Variants in ARL13B observed in about 807,000 individuals in gnomAD.
ARL13B encodes the protein ARF like GTPase 13B, also known as ADP-ribosylation factor-like protein 13B.
ARL13B carries 36 observed loss-of-function variants against 56.1 expected under a neutral mutation model. That is an observed-to-expected ratio of 0.64 (90% CI 0.49 to 0.85). ARL13B has a LOEUF of 0.85. Ranked by LOEUF, ARL13B falls within the 40% of genes least tolerant of loss-of-function variation. The probability of loss-of-function intolerance (pLI) is 0.00; values close to 1 mark genes in which losing one functional copy is unlikely to be tolerated. For synonymous variants in ARL13B, 178 were observed against 171.1 expected (o/e 1.04, Z -0.32); for missense variants, 519 against 507.1 (o/e 1.02, Z -0.23).
At chr3:94,014,729 C>T in intron 3 of ARL13B, 1 of 1,612,816 alleles carries the variant, frequency 6.2e-7, no homozygotes, top group Non-Finnish European at 8.5e-7. Flanking sequence ...TCATTTACAT[C>T]TTCTTCAGAC....
chr3:94,016,883 G>C (rs1180772771), intron 3 of ARL13B, among the ~76,000 whole-genome samples: 1 of 152,096 alleles, frequency 6.6e-6, no homozygotes, highest in Non-Finnish European at 1.5e-5. Context: ...CTGACCTCGT[G>C]ATCCGCCCAC....
chr3:94,019,041 C>T (rs1191905880), intron 3 of ARL13B, among the ~76,000 whole-genome samples: 2 of 152,192 alleles, frequency 1.3e-5, no homozygotes, highest in African/African-American at 2.4e-5. Flanking sequence ...GCTGGGATTA[C>T]AGCTGTGAGC....
chr3:93,995,344 T>G (rs2075948342), intron 1 of ARL13B, among the ~76,000 whole-genome samples: 1 of 151,974 alleles, frequency 6.6e-6, no homozygotes, highest in Admixed American at 6.6e-5. Flanking sequence ...CCCTGTGGAG[T>G]TTAGCTGTAT....
chr3:93,988,014 T>G (rs1192959031), intron 1 of ARL13B, among the ~76,000 whole-genome samples: 5 of 152,112 alleles, frequency 3.3e-5, no homozygotes, highest in Non-Finnish European at 7.4e-5. Flanking sequence ...CTTAAGAGGA[T>G]TATCAAGAGC....
At chr3:94,046,466 G>A (rs1417031219) in intron 7 of ARL13B, among the ~76,000 whole-genome samples, 3 of 151,548 alleles carry the variant, frequency 2.0e-5, no homozygotes, top group South Asian at 2.1e-4. Flanking sequence ...TGAACTCAAC[G>A]TCATTCCTTT....
At chr3:94,040,700 TTG>T (rs2076846736) in intron 6 of ARL13B, among the ~76,000 whole-genome samples, 1 of 151,992 alleles carries the variant, frequency 6.6e-6, no homozygotes. Flanking sequence ...TTTTTTTTTT[TTG>T]TCTCCATTCT....
rs547346186 is a variant in ARL13B at position 93,980,354 on chromosome 3, C to G, written c.-70C>G. 1 of 1,594,610 alleles carries G rather than the reference C, an allele frequency of 6.3e-7. No individual in the cohort carries two copies. The highest frequency in any genetic ancestry group is 1.3e-5 in the African/African-American group (1 of 74,716). On this transcript the variant is annotated 5_prime_UTR_variant, in exon 1 of 10. Transcript: ENST00000394222. The stretch of plus-strand genomic sequence containing the variant: ...GGGGCGTCTCGGAGTGCCGGAGGCC[C>G]CCGGGGAAGAGCGGGGTGCCGGTGT...
chr3:94,044,320 T>C (rs1576046339), intron 7 of ARL13B, among the ~76,000 whole-genome samples: 1 of 128,330 alleles, frequency 7.8e-6, no homozygotes, highest in African/African-American at 3.1e-5. Flanking sequence ...GTCTGGGAGG[T>C]GAGGAGCGCC....
chr3:93,988,568 TA>T, intron 1 of ARL13B: 1 of 344,178 alleles, frequency 2.9e-6, no homozygotes. Flanking sequence ...AAGCAGTTGA[TA>T]AAAATACCCT....
intron 1 of ARL13B, among the ~76,000 whole-genome samples, chr3:93,988,193 G>A (rs1220450237): frequency 2.0e-5 from 3 of 150,698 alleles, no homozygotes; most frequent in Non-Finnish European, 4.4e-5. Flanking sequence ...TTCTGACAGG[G>A]AGAGCCATGA....
At chr3:94,014,442 T>C (rs1472955164) in intron 3 of ARL13B, 1 of 1,595,018 alleles carries the variant, frequency 6.3e-7, no homozygotes, top group Non-Finnish European at 8.5e-7. Context: ...AAGGATTTCT[T>C]TTTTTGTATT....
chr3:94,044,531 C>T (rs2076941888), intron 7 of ARL13B, among the ~76,000 whole-genome samples: 1 of 145,396 alleles, frequency 6.9e-6, no homozygotes, highest in Non-Finnish European at 1.5e-5. Flanking sequence ...TTCTGCCTGG[C>T]CGCTCCATCT....
chr3:94,022,797 A>G (rs1019723219), intron 3 of ARL13B, among the ~76,000 whole-genome samples: 1 of 152,100 alleles, frequency 6.6e-6, no homozygotes, highest in Non-Finnish European at 1.5e-5. Flanking sequence ...AAATACATCC[A>G]TGTAACTACC....
At position 94,033,203 on chromosome 3, in the gene ARL13B, G is replaced by T. The variant is rs568986277; in HGVS notation, c.381-2128G>T. Among the ~76,000 whole-genome samples the T allele has an allele frequency of 2.0e-5, 3 of 152,232 alleles. No individual in the cohort carries two copies. The South Asian group carries it at 6.2e-4, about 32-fold the overall frequency. On this transcript the variant is annotated intron_variant, in intron 3 of 9. Coordinates refer to ENST00000394222, the MANE Select transcript of ARL13B (RefSeq NM_001174150.2). ...ATGGAGTGTGGATTAATAGACATTGGAGACTTGGACAGGTGGGAGGGTGGA... is the reference window on the plus strand; with the variant it reads ...ATGGAGTGTGGATTAATAGACATTGTAGACTTGGACAGGTGGGAGGGTGGA...
At chr3:94,006,763 T>G (rs968666135) in intron 3 of ARL13B, among the ~76,000 whole-genome samples, 5 of 152,234 alleles carry the variant, frequency 3.3e-5, no homozygotes, top group African/African-American at 1.2e-4. Context: ...GTCCTTCAAG[T>G]TCCTTTCATA....
intron 3 of ARL13B, among the ~76,000 whole-genome samples, chr3:94,025,820 G>A (rs1345130867): frequency 1.3e-5 from 2 of 152,110 alleles, no homozygotes; most frequent in African/African-American, 4.8e-5. Flanking sequence ...AGTTATTCCT[G>A]TCTTTGTATA....
intron 6 of ARL13B, among the ~76,000 whole-genome samples, chr3:94,040,701 T>TTTG (rs1470459869): frequency 2.0e-4 from 30 of 151,734 alleles, no homozygotes; most frequent in African/African-American, 6.5e-4. Context: ...TTTTTTTTTT[T>TTTG]GTCTCCATTC....
intron 1 of ARL13B, 56 bp downstream of exon 1, chr3:93,980,538 A>T: frequency 6.3e-7 from 1 of 1,596,594 alleles, no homozygotes; most frequent in Non-Finnish European, 8.5e-7. Flanking sequence ...GCTGCGCCCC[A>T]GGGGCGAGGC....
intron 5 of ARL13B, among the ~76,000 whole-genome samples, chr3:94,039,373 G>T (rs917972582): frequency 6.6e-6 from 1 of 151,732 alleles, no homozygotes; most frequent in Non-Finnish European, 1.5e-5. Flanking sequence ...GGTGGCGGGC[G>T]CCTGTAGTCC....
Sources: gnomAD v4.1 joint callset for allele counts (sites outside exome capture counted in the v4.1 genomes callset) on GRCh38, gnomAD v4.1.1 for gene constraint, MANE v1.5 for transcripts, NCBI Gene and HGNC (gene_info 2026-07-23, HGNC 2026-07-21) for gene names.